Variants in TCHP observed in about 807,000 individuals in gnomAD.
TCHP encodes trichoplein keratin filament binding, also known as trichoplein keratin filament-binding protein.
Under a neutral mutation model 88.7 loss-of-function variants are expected in TCHP, and 81 were observed. The observed-to-expected ratio is 0.91, with a 90% CI of 0.76 to 1.10. TCHP has a LOEUF of 1.10. TCHP is among the 50% of genes least tolerant of loss of function. TCHP has a pLI of 0.00. For missense variants in TCHP, 641 were observed against 632.1 expected, an observed-to-expected ratio of 1.01 and a Z score of -0.15; for synonymous variants, 232 against 232.5, an observed-to-expected ratio of 1.00 and a Z score of 0.02.
chr12:109,882,743 C>T, the TCHP span, among the ~76,000 whole-genome samples: 2 of 150,008 alleles, frequency 1.3e-5, no homozygotes, highest in Admixed American at 6.6e-5. Context: ...CTGCAACCTC[C>T]GCCTCCCGGG....
rs1393625604 is a variant in TCHP, at chr12:109,908,480, G to A, written c.700-106G>A. The stretch of plus-strand genomic sequence containing the variant: ...GGATCGTGACCACCTGCATGGCCAG[G>A]CCTCTGTTGGTGTAGTGTCTGCGAA... On this transcript the variant is annotated intron_variant, in intron 6 of 12. Transcript: ENST00000405876. 8 of 888,288 alleles carry A rather than the reference G, an allele frequency of 9.0e-6. No individual in the cohort carries two copies. The African/African-American group carries it at 1.3e-4, about 15-fold the overall frequency. The allele number at this position is 888,288 out of a possible 1,614,324, so 55.0% of individuals were successfully genotyped here. A position where few individuals can be genotyped will look rare whatever the true frequency, so the allele number is the denominator to read the frequency against.
chr12:109,883,619 A>T, the TCHP span, among the ~76,000 whole-genome samples: 1 of 151,888 alleles, frequency 6.6e-6, no homozygotes. Flanking sequence ...TCCTAGTGCC[A>T]GAACCCCACC....
chr12:109,889,197 G>A, the TCHP span, among the ~76,000 whole-genome samples: 6 of 151,966 alleles, frequency 3.9e-5, no homozygotes, highest in Non-Finnish European at 7.4e-5. Flanking sequence ...CTCTGGGCTG[G>A]GTGCGGTGGC....
Position 109,917,523 on chromosome 12 carries a change from A to AT in TCHP, c.*902dup, listed in dbSNP as rs1870884401. 6.6e-6 allele frequency: 1 copy of AT among 152,316 alleles called. No homozygotes were observed. Among genetic ancestry groups the AT allele is most frequent in the Non-Finnish European group, 1.5e-5 (1 of 68,036 alleles). 9.4% of individuals were successfully genotyped at this position (152,316 alleles called of 1,614,324 possible). ...GGCAGGGGCGTGACACGTAGGACAC[A>AT]TTGGGAATGTCTTGGCTACTACATG... On this transcript the variant is annotated 3_prime_UTR_variant, in exon 13 of 13. Coordinates refer to ENST00000405876, the MANE Select transcript of TCHP (RefSeq NM_001143852.2).
the TCHP span, among the ~76,000 whole-genome samples, chr12:109,893,308 G>C: frequency 6.6e-6 from 1 of 151,474 alleles, no homozygotes; most frequent in Non-Finnish European, 1.5e-5. Flanking sequence ...GCACCTGGGA[G>C]GCAGAGGCTG....
At chr12:109,907,729 T>A (rs977217298) in intron 6 of TCHP, 30 bp downstream of exon 6, 5 of 1,566,906 alleles carry the variant, frequency 3.2e-6, no homozygotes, top group Admixed American at 1.9e-5. Flanking sequence ...AGCCGTGACC[T>A]CCTCCACAGC....
chr12:109,891,018 C>T, the TCHP span, among the ~76,000 whole-genome samples: 1 of 152,184 alleles, frequency 6.6e-6, no homozygotes, highest in African/African-American at 2.4e-5. Context: ...GCTAACGAGT[C>T]CGGGTAATGG....
chr12:109,907,505 T>C, intron 5 of TCHP, 21 bp from the exon 6 acceptor site: 1 of 1,601,956 alleles, frequency 6.2e-7, no homozygotes. Context: ...TATTGACCTG[T>C]GTTCATTTGG....
upstream of TCHP, among the ~76,000 whole-genome samples, chr12:109,898,335 G>A (rs989762154): frequency 7.2e-5 from 11 of 152,000 alleles, no homozygotes; most frequent in African/African-American, 2.2e-4. Context: ...TCGGCCTCCC[G>A]AGTAGCTGGG....
the TCHP span, among the ~76,000 whole-genome samples, chr12:109,882,801 C>T: frequency 1.5e-4 from 22 of 151,450 alleles, no homozygotes; most frequent in East Asian, 2.1e-3. Context: ...GGATTACAGG[C>T]ATTTGCCACC....
intron 9 of TCHP, 61 bp from the exon 10 acceptor site, chr12:109,912,930 G>A (rs1035314844): frequency 3.3e-5 from 48 of 1,453,146 alleles, no homozygotes; most frequent in African/African-American, 5.6e-5. Context: ...TGTCTGTTCC[G>A]TAGCTCGCTT....
chr12:109,895,974 T>G (rs1213624212), upstream of TCHP, among the ~76,000 whole-genome samples: 1 of 151,774 alleles, frequency 6.6e-6, no homozygotes, highest in African/African-American at 2.4e-5. Context: ...TGAGATGGAG[T>G]CTCACTCTGT....
At chr12:109,916,489 C>T in intron 12 of TCHP, 102 bp from the exon 13 acceptor site, 1 of 1,208,942 alleles carries the variant, frequency 8.3e-7, no homozygotes, top group Non-Finnish European at 1.2e-6. Flanking sequence ...AATGAAACAG[C>T]CATTTATATT....
chr12:109,900,367 T>G lies in TCHP; in HGVS notation c.-60T>G, dbSNP rs985413464. 8 of 152,284 alleles carry G rather than the reference T, an allele frequency of 5.3e-5. No individual in the cohort carries two copies. The highest frequency in any genetic ancestry group is 5.2e-4 in the Admixed American group (8 of 15,304). 9.4% of individuals were successfully genotyped at this position (152,284 alleles called of 1,614,324 possible). On this transcript the variant is annotated 5_prime_UTR_variant, in exon 1 of 13. Coordinates refer to ENST00000405876, the MANE Select transcript of TCHP (RefSeq NM_001143852.2). ...TACACCGGGGGACTGGCCGGCCCGC[T>G]TCGTGCCTGCGGGAAGTCGGGCCGG...
Position 109,915,442 on chromosome 12 carries a change from C to T in TCHP, c.1360C>T (p.Gln454Ter). 3 of 1,614,076 alleles carry T rather than the reference C, an allele frequency of 1.9e-6. No individual in the cohort carries two copies. Among genetic ancestry groups the T allele is most frequent in the Non-Finnish European group, 2.5e-6 (3 of 1,179,976 alleles). Residue 454 changes from glutamine to a stop codon, truncating the protein, a stop_gained, in exon 12 of 13, where the codon CAG becomes TAG. Transcript: ENST00000405876. LOFTEE classifies it high-confidence loss of function. Reference sequence around the variant, plus strand: ...GCTGCAGGCATGGGAAGCAGACCAGCAGGAGGAGGAGGAAGAGGAGGAGGC... The same window carrying T: ...GCTGCAGGCATGGGAAGCAGACCAGTAGGAGGAGGAGGAAGAGGAGGAGGC... ...RRLQAWEADQ[Q>*]EEEEEEEARR...
At chr12:109,888,119 A>C in the TCHP span, 1 of 151,834 alleles carries the variant, frequency 6.6e-6, no homozygotes, top group Non-Finnish European at 1.5e-5. Context: ...AGTGCCCCCC[A>C]TTACTGACAT....
rs751365386 is a variant in TCHP, at chr12:109,915,444, G to GGAGGAGGAGGAA, written c.1373_1384dup (p.Glu458_Glu461dup). On this transcript the variant is annotated inframe_insertion, in exon 12 of 13. Transcript: ENST00000405876. Reference sequence around the variant, plus strand: ...TGCAGGCATGGGAAGCAGACCAGCAGGAGGAGGAGGAAGAGGAGGAGGCCC... The same window carrying GGAGGAGGAGGAA: ...TGCAGGCATGGGAAGCAGACCAGCAGGAGGAGGAGGAAGAGGAGGAGGAAGAGGAGGAGGCCC... The GGAGGAGGAGGAA allele has an allele frequency of 2.8e-5, 45 of 1,613,986 alleles. No homozygotes were observed. Among genetic ancestry groups the GGAGGAGGAGGAA allele is most frequent in the Middle Eastern group, 1.6e-4 (1 of 6,070 alleles).
At position 109,906,483 on chromosome 12, in the gene TCHP, G is replaced by A. The variant is rs191560815; in HGVS notation, c.457-89G>A. 1.1e-3 allele frequency: 1,444 copies of A among 1,281,540 alleles called. 3 individuals are homozygous for A. The highest frequency in any genetic ancestry group is 1.4e-3 in the Admixed American group (76 of 54,330). 79.4% of individuals were successfully genotyped at this position (1,281,540 alleles called of 1,614,324 possible). ...GAAGCGAAGTCATGGCCACGTTCCC[G>A]CAGGTGGCACAGAGGGCAGGAGCAC... On this transcript the variant is annotated intron_variant, in intron 4 of 12. Transcript: ENST00000405876.
chr12:109,886,808 A>G, the TCHP span, among the ~76,000 whole-genome samples: 4 of 152,000 alleles, frequency 2.6e-5, no homozygotes, highest in African/African-American at 9.7e-5. Flanking sequence ...TCCCGGGTTC[A>G]AGCAATTTTC....
Sources: gnomAD v4.1 joint callset for allele counts (sites outside exome capture counted in the v4.1 genomes callset) on GRCh38, gnomAD v4.1.1 for gene constraint, MANE v1.5 for transcripts, NCBI Gene and HGNC (gene_info 2026-07-23, HGNC 2026-07-21) for gene names.